The following CNTN5 variants were observed in gnomAD, a reference collection of about 807,000 sequenced individuals.
CNTN5 encodes the protein contactin 5.
In CNTN5, 77 loss-of-function variants were observed where a neutral mutation model predicts 129.1. That is an observed-to-expected ratio of 0.60 (90% CI 0.50 to 0.72). The LOEUF is 0.72. Among genes scored for constraint, CNTN5 ranks in the 30% least tolerant of loss-of-function variants. The pLI is 0.00. For synonymous variants in CNTN5, 509 were observed against 465.6 expected, an observed-to-expected ratio of 1.09 and a Z score of -1.20; for missense variants, 1,478 against 1,328.8, an observed-to-expected ratio of 1.11 and a Z score of -1.75.
intron 1 of CNTN5, among the ~76,000 whole-genome samples, chr11:99,232,080 C>T (rs1394478510): frequency 6.6e-6 from 1 of 152,134 alleles, no homozygotes; most frequent in African/African-American, 2.4e-5. Flanking sequence ...GGTCAGAAAG[C>T]ATGATGTCTC....
chr11:99,497,485 A>T (rs977510821), intron 2 of CNTN5, among the ~76,000 whole-genome samples: 2 of 152,300 alleles, frequency 1.3e-5, no homozygotes, highest in South Asian at 2.1e-4. Flanking sequence ...TAGTGGCAAA[A>T]CCCAGAAAGA....
chr11:99,074,239 T>C (rs1416377551), intron 1 of CNTN5, among the ~76,000 whole-genome samples: 3 of 152,174 alleles, frequency 2.0e-5, no homozygotes, highest in African/African-American at 7.2e-5. Context: ...TTTTTTCTTT[T>C]AAATTTGTTT....
At chr11:99,379,866 A>C (rs1428912532) in intron 2 of CNTN5, among the ~76,000 whole-genome samples, 1 of 152,076 alleles carries the variant, frequency 6.6e-6, no homozygotes, top group African/African-American at 2.4e-5. Context: ...AGGCTGAGGC[A>C]TATGTATGTG....
rs145952826 is a variant in CNTN5, at chr11:100,009,985, C to T, written c.980+7849C>T. 6.0e-3 allele frequency among the ~76,000 whole-genome samples: 916 copies of T among 152,194 alleles called. 4 individuals are homozygous for T. Among genetic ancestry groups the T allele is most frequent in the African/African-American group, 0.018 (748 of 41,532 alleles). ...ATGAGTGTTGACTTTTCTTGCTCAG[C>T]ATTCAATCTAGGGACCTTAATGGAA... is the stretch of plus-strand genomic sequence containing the variant. On this transcript the variant is annotated intron_variant, in intron 9 of 24. Coordinates refer to ENST00000524871, the MANE Select transcript of CNTN5 (RefSeq NM_014361.4).
chr11:100,205,879 T>C (rs1591391782), intron 15 of CNTN5, among the ~76,000 whole-genome samples: 1 of 152,082 alleles, frequency 6.6e-6, no homozygotes, highest in African/African-American at 2.4e-5. Flanking sequence ...CTTCCATGGA[T>C]ACAGAAGGCA....
At chr11:99,989,230 T>C (rs996128340) in intron 8 of CNTN5, among the ~76,000 whole-genome samples, 2 of 152,212 alleles carry the variant, frequency 1.3e-5, no homozygotes, top group African/African-American at 2.4e-5. Context: ...TTGCTGAATA[T>C]TTAATTGTTG....
chr11:99,841,870 A>G (rs1947511263), intron 4 of CNTN5, among the ~76,000 whole-genome samples: 1 of 59,592 alleles, frequency 1.7e-5, no homozygotes, highest in Admixed American at 2.1e-4. Flanking sequence ...ACACACATAT[A>G]TACACATACA....
Position 99,694,112 on chromosome 11 carries a change from A to G in CNTN5, c.56-125432A>G, listed in dbSNP as rs145567125. ...GTTGGAATGTAAAATGTGAGAAAGGAAGAAAAGGCAGAGAAAGCTAGAAAA... is the reference window on the plus strand; with the variant it reads ...GTTGGAATGTAAAATGTGAGAAAGGGAGAAAAGGCAGAGAAAGCTAGAAAA... On this transcript the variant is annotated intron_variant, in intron 3 of 24. Coordinates refer to ENST00000524871, the MANE Select transcript of CNTN5 (RefSeq NM_014361.4). Among the ~76,000 whole-genome samples, 8 of 152,224 alleles carry G rather than the reference A, an allele frequency of 5.3e-5. No individual in the cohort carries two copies. The East Asian group carries it at 1.5e-3, about 29-fold the overall frequency.
chr11:99,624,027 C>T (rs1951045593), intron 3 of CNTN5, among the ~76,000 whole-genome samples: 1 of 152,048 alleles, frequency 6.6e-6, no homozygotes, highest in Non-Finnish European at 1.5e-5. Context: ...TCTCAATATA[C>T]TAAGAACTAA....
intron 1 of CNTN5, among the ~76,000 whole-genome samples, chr11:99,103,294 AT>A (rs1186219009): frequency 6.6e-6 from 1 of 152,104 alleles, no homozygotes; most frequent in Admixed American, 6.6e-5. Flanking sequence ...CTTTTTGATT[AT>A]GTTTTCTTTG....
intron 3 of CNTN5, among the ~76,000 whole-genome samples, chr11:99,754,929 G>A (rs924330448): frequency 6.6e-6 from 1 of 152,052 alleles, no homozygotes; most frequent in African/African-American, 2.4e-5. Context: ...ATTCCCCTCT[G>A]CCCCCAAGCC....
intron 1 of CNTN5, among the ~76,000 whole-genome samples, chr11:99,162,739 T>C (rs1040978361): frequency 7.2e-5 from 11 of 152,154 alleles, no homozygotes; most frequent in African/African-American, 2.4e-4. Context: ...TTTCTTCCAT[T>C]TGATTGAAGA....
chr11:99,342,345 C>A (rs1367364340), intron 2 of CNTN5, among the ~76,000 whole-genome samples: 1 of 151,622 alleles, frequency 6.6e-6, no homozygotes, highest in African/African-American at 2.4e-5. Context: ...ATGATAAACG[C>A]CAAGGCTTTT....
rs914354394 is a variant in CNTN5 at position 99,737,163 on chromosome 11, G to A, written c.56-82381G>A. ...CACACAAACACACACACACACACAC[G>A]CACACGCACACACAGTCTTTCAATA... On this transcript the variant is annotated intron_variant, in intron 3 of 24. Transcript: ENST00000524871. Among the ~76,000 whole-genome samples, 15 of 149,658 alleles carry A rather than the reference G, an allele frequency of 1.0e-4. No individual in the cohort carries two copies. The South Asian group carries it at 1.3e-3, about 13-fold the overall frequency.
chr11:99,688,172 A>T (rs559963197), intron 3 of CNTN5, among the ~76,000 whole-genome samples: 1 of 152,236 alleles, frequency 6.6e-6, no homozygotes, highest in African/African-American at 2.4e-5. Flanking sequence ...GTAGTCATAT[A>T]GTAAATCAGC....
At chr11:99,965,928 A>G (rs1358346266) in intron 8 of CNTN5, among the ~76,000 whole-genome samples, 1 of 152,206 alleles carries the variant, frequency 6.6e-6, no homozygotes, top group Admixed American at 6.5e-5. Flanking sequence ...AGTAGATGGC[A>G]CATATTAAAC....
rs530475883 is a variant in CNTN5 at position 100,222,834 on chromosome 11, TACCCCATTAAAAG to T, written c.1885-1854_1885-1842del. Among the ~76,000 whole-genome samples the T allele has an allele frequency of 3.4e-3, 514 of 152,074 alleles. 3 individuals are homozygous for T. The highest frequency in any genetic ancestry group is 5.9e-3 in the Non-Finnish European group (398 of 67,942). ...GCACAGCCATTCCTGATTAACTGAGTACCCCATTAAAAGACCTAAGAAATCCAGAGAGAAAGAA... is the reference window on the plus strand; with the variant it reads ...GCACAGCCATTCCTGATTAACTGAGTACCTAAGAAATCCAGAGAGAAAGAA... On this transcript the variant is annotated intron_variant, in intron 15 of 24. Transcript: ENST00000524871.
intron 2 of CNTN5, among the ~76,000 whole-genome samples, chr11:99,483,765 T>C (rs1945698472): frequency 1.3e-5 from 2 of 151,948 alleles, no homozygotes; most frequent in East Asian, 3.9e-4. Flanking sequence ...GCATAAAAGG[T>C]GACAAATAGT....
intron 21 of CNTN5, among the ~76,000 whole-genome samples, chr11:100,310,292 A>G (rs1951446552): frequency 2.0e-5 from 3 of 151,948 alleles, no homozygotes; most frequent in South Asian, 2.1e-4. Flanking sequence ...AGGCTCCTAT[A>G]TCTCAAAGGG....
Sources: gnomAD v4.1 joint callset for allele counts (sites outside exome capture counted in the v4.1 genomes callset) on GRCh38, gnomAD v4.1.1 for gene constraint, MANE v1.5 for transcripts, NCBI Gene and HGNC (gene_info 2026-07-23, HGNC 2026-07-21) for gene names.